Variants in NSMCE2 observed in about 807,000 individuals in gnomAD.
NSMCE2 encodes NSE2 SUMO ligase component of SMC5/6 complex.
A neutral mutation model predicts 23.8 loss-of-function variants in NSMCE2; 24 were observed. That is an observed-to-expected ratio of 1.01 (90% CI 0.73 to 1.42). The LOEUF is 1.42. NSMCE2 is among the 40% of genes most tolerant of loss of function. The probability of loss-of-function intolerance (pLI) is 0.00; values close to 1 mark genes in which losing one functional copy is unlikely to be tolerated. For synonymous variants in NSMCE2, 92 were observed against 94.1 expected (o/e 0.98, Z 0.13); for missense variants, 284 against 296.5 (o/e 0.96, Z 0.31).
chr8:125,297,169 A>G (rs569728006), intron 5 of NSMCE2, among the ~76,000 whole-genome samples: 93 of 152,322 alleles, frequency 6.1e-4, no homozygotes, highest in African/African-American at 1.4e-3. Context: ...TCATATTTTC[A>G]TGCTTTTTAG....
At chr8:125,365,372 C>G (rs1187343651) in intron 7 of NSMCE2, among the ~76,000 whole-genome samples, 1 of 152,174 alleles carries the variant, frequency 6.6e-6, no homozygotes, top group Admixed American at 6.5e-5. Context: ...GATCGCCATA[C>G]CACCCTCAGC....
At chr8:125,300,034 G>T (rs1296825985) in intron 5 of NSMCE2, among the ~76,000 whole-genome samples, 1 of 151,760 alleles carries the variant, frequency 6.6e-6, no homozygotes, top group African/African-American at 2.4e-5. Context: ...GGCCAGGCTG[G>T]TCTCAAACTT....
At chr8:125,139,847 A>C (rs1195273845) in intron 3 of NSMCE2, among the ~76,000 whole-genome samples, 1 of 152,152 alleles carries the variant, frequency 6.6e-6, no homozygotes, top group Admixed American at 6.5e-5. Context: ...CCAGACATTC[A>C]CTTTTCCTTC....
chr8:125,266,271 A>G (rs1826914958), intron 5 of NSMCE2, among the ~76,000 whole-genome samples: 1 of 152,054 alleles, frequency 6.6e-6, no homozygotes, highest in African/African-American at 2.4e-5. Context: ...TTGTGTTTTT[A>G]GTAGAGATGG....
At chr8:125,226,902 G>T (rs1477880502) in intron 5 of NSMCE2, among the ~76,000 whole-genome samples, 1 of 151,874 alleles carries the variant, frequency 6.6e-6, no homozygotes, top group Non-Finnish European at 1.5e-5. Context: ...TCCAAAACTT[G>T]TTCTGGCAAC....
At chr8:125,329,551 C>T (rs192228458) in intron 5 of NSMCE2, among the ~76,000 whole-genome samples, 76 of 152,320 alleles carry the variant, frequency 5.0e-4, no homozygotes, top group Non-Finnish European at 9.3e-4. Context: ...TTATAGACAA[C>T]CTCATTGCCA....
intron 5 of NSMCE2, among the ~76,000 whole-genome samples, chr8:125,215,751 A>G (rs576273560): frequency 1.3e-5 from 2 of 152,314 alleles, no homozygotes; most frequent in East Asian, 3.9e-4. Flanking sequence ...CTTTCTACAT[A>G]TGGGTAGCCA....
At chr8:125,155,106 C>G (rs550416728) in intron 4 of NSMCE2, among the ~76,000 whole-genome samples, 16 of 152,212 alleles carry the variant, frequency 1.1e-4, no homozygotes, top group South Asian at 6.2e-4. Context: ...TCAGGATATG[C>G]GAAGTCCAGA....
At chr8:125,198,939 T>C (rs1203224284) in intron 5 of NSMCE2, among the ~76,000 whole-genome samples, 1 of 152,198 alleles carries the variant, frequency 6.6e-6, no homozygotes, top group Non-Finnish European at 1.5e-5. Flanking sequence ...TCCAGGAATT[T>C]ATCCATTTCT....
chr8:125,235,930 C>G (rs983543478), intron 5 of NSMCE2, among the ~76,000 whole-genome samples: 1 of 152,142 alleles, frequency 6.6e-6, no homozygotes, highest in South Asian at 2.1e-4. Flanking sequence ...CCACATTTTA[C>G]ATATAATGTT....
At chr8:125,250,711 T>A (rs1480474189) in intron 5 of NSMCE2, among the ~76,000 whole-genome samples, 1 of 152,128 alleles carries the variant, frequency 6.6e-6, no homozygotes, top group Non-Finnish European at 1.5e-5. Context: ...AGTGCAGTGG[T>A]GCCAGCATAG....
At chr8:125,125,520 T>C (rs1400128765) in intron 3 of NSMCE2, among the ~76,000 whole-genome samples, 1 of 152,186 alleles carries the variant, frequency 6.6e-6, no homozygotes, top group Non-Finnish European at 1.5e-5. Context: ...AGAAACCTAA[T>C]TGCAGGAAAC....
chr8:125,237,176 G>A (rs1368530144), intron 5 of NSMCE2, among the ~76,000 whole-genome samples: 2 of 152,128 alleles, frequency 1.3e-5, no homozygotes, highest in Non-Finnish European at 2.9e-5. Context: ...AGGCAGCAGG[G>A]ACATGAAATT....
chr8:125,144,822 A>G (rs1056693409), intron 3 of NSMCE2, among the ~76,000 whole-genome samples: 8 of 152,186 alleles, frequency 5.3e-5, no homozygotes, highest in African/African-American at 1.7e-4. Flanking sequence ...AAAATCACCC[A>G]TTTCTGTTTA....
chr8:125,342,957 C>T (rs1464529861), intron 5 of NSMCE2, among the ~76,000 whole-genome samples: 6 of 152,046 alleles, frequency 3.9e-5, no homozygotes, highest in South Asian at 2.1e-4. Flanking sequence ...GATTGAATAC[C>T]CTTTTGGGAT....
At chr8:125,135,604 C>G (rs1820025981) in intron 3 of NSMCE2, among the ~76,000 whole-genome samples, 1 of 151,778 alleles carries the variant, frequency 6.6e-6, no homozygotes, top group Non-Finnish European at 1.5e-5. Flanking sequence ...CAGTATTTTC[C>G]TTCTTTTTTT....
intron 5 of NSMCE2, among the ~76,000 whole-genome samples, chr8:125,193,057 C>T (rs1002802909): frequency 1.3e-5 from 2 of 152,060 alleles, no homozygotes; most frequent in Admixed American, 1.3e-4. Flanking sequence ...AAATATGCAA[C>T]ATCAATTCAA....
intron 5 of NSMCE2, among the ~76,000 whole-genome samples, chr8:125,258,900 G>A (rs536027498): frequency 2.4e-4 from 36 of 152,318 alleles, no homozygotes; most frequent in African/African-American, 8.7e-4. Context: ...CCTGCTCACA[G>A]AGCTTTGTTT....
chr8:125,125,099 A>G (rs556644716), intron 3 of NSMCE2, among the ~76,000 whole-genome samples: 1 of 152,158 alleles, frequency 6.6e-6, no homozygotes, highest in East Asian at 1.9e-4. Flanking sequence ...GATTTTCTGC[A>G]TACAAGATCA....
Sources: gnomAD v4.1 joint callset for allele counts (sites outside exome capture counted in the v4.1 genomes callset) on GRCh38, gnomAD v4.1.1 for gene constraint, MANE v1.5 for transcripts, NCBI Gene and HGNC (gene_info 2026-07-23, HGNC 2026-07-21) for gene names.